The following EHBP1 variants were observed in gnomAD, a reference collection of about 807,000 sequenced individuals.
EHBP1 encodes EH domain binding protein 1, also known as EH domain-binding protein 1.
A neutral mutation model predicts 144.0 loss-of-function variants in EHBP1; 55 were observed. The observed-to-expected ratio is 0.38, with a 90% CI of 0.31 to 0.48. The LOEUF is 0.48. EHBP1 is among the 20% of genes least tolerant of loss of function. The pLI, the probability that EHBP1 is intolerant of heterozygous loss-of-function variation, is 0.98. For missense variants in EHBP1, 1,200 were observed against 1,364.2 expected (o/e 0.88, Z 1.90); for synonymous variants, 469 against 472.7 (o/e 0.99, Z 0.10).
intron 5 of EHBP1, among the ~76,000 whole-genome samples, chr2:62,812,047 G>A (rs944751145): frequency 6.6e-6 from 1 of 152,142 alleles, no homozygotes; most frequent in Non-Finnish European, 1.5e-5. Context: ...TCTGTATGGT[G>A]AGAGTGAGTT....
intron 3 of EHBP1, among the ~76,000 whole-genome samples, chr2:62,751,093 C>T (rs961758942): frequency 9.9e-5 from 15 of 152,084 alleles, no homozygotes; most frequent in Non-Finnish European, 2.1e-4. Context: ...CAGTTTTTGC[C>T]CATTCAGTAT....
chr2:62,967,337 A>G (rs1367749324), intron 14 of EHBP1, among the ~76,000 whole-genome samples: 1 of 152,176 alleles, frequency 6.6e-6, no homozygotes, highest in African/African-American at 2.4e-5. Flanking sequence ...TAGTGATGTG[A>G]CACTTCTCAA....
At chr2:62,822,907 T>C (rs989683272) in intron 5 of EHBP1, among the ~76,000 whole-genome samples, 2 of 152,156 alleles carry the variant, frequency 1.3e-5, no homozygotes, top group African/African-American at 4.8e-5. Context: ...GGCTAAGTCT[T>C]TTTATAACAA....
chr2:62,724,945 A>T (rs955482445), intron 2 of EHBP1, among the ~76,000 whole-genome samples: 1 of 152,190 alleles, frequency 6.6e-6, no homozygotes, highest in African/African-American at 2.4e-5. Flanking sequence ...ATTGTCTTCC[A>T]TGAAATTGGT....
chr2:62,963,055 G>A lies in EHBP1; in HGVS notation c.2460+7395G>A, dbSNP rs2058074345. On this transcript the variant is annotated intron_variant, in intron 14 of 22. Transcript: ENST00000431489. ...TCCATCTTTAAAGACCTGAAGGAAC[G>A]TTTGAATCCTCTAGAGAAAACAGTA... Among the ~76,000 whole-genome samples the A allele has an allele frequency of 3.3e-5, 5 of 152,248 alleles. No homozygotes were observed. In the South Asian group the frequency reaches 8.3e-4, roughly 25 times the overall value.
At chr2:62,834,227 G>C (rs1258834429) in intron 7 of EHBP1, among the ~76,000 whole-genome samples, 1 of 152,206 alleles carries the variant, frequency 6.6e-6, no homozygotes. Flanking sequence ...CTTTGATAAA[G>C]TAGTGGCAGG....
intron 5 of EHBP1, among the ~76,000 whole-genome samples, chr2:62,806,691 C>A: frequency 6.6e-6 from 1 of 151,642 alleles, no homozygotes; most frequent in Non-Finnish European, 1.5e-5. Flanking sequence ...ATTCCACTTT[C>A]TTTCTTTTCT....
chr2:62,749,669 G>A (rs890233101), intron 3 of EHBP1, among the ~76,000 whole-genome samples: 13 of 152,226 alleles, frequency 8.5e-5, no homozygotes, highest in East Asian at 1.9e-4. Context: ...TTTAATGATT[G>A]CCATTCTAAC....
intron 19 of EHBP1, among the ~76,000 whole-genome samples, chr2:63,009,750 C>T (rs2060192975): frequency 6.6e-6 from 1 of 151,500 alleles, no homozygotes; most frequent in Non-Finnish European, 1.5e-5. Flanking sequence ...AGTAGTCCCT[C>T]CTTATCCTCA....
chr2:62,847,701 G>T lies in EHBP1; in HGVS notation c.635-11468G>T, dbSNP rs577351926. On this transcript the variant is annotated intron_variant, in intron 7 of 22. Transcript: ENST00000431489. ...AAAGAAGACCATTAAGAAAATGTAC[G>T]AGCAAGTCATAGATTAGAAGAAAAT... 2.6e-5 allele frequency among the ~76,000 whole-genome samples: 4 copies of T among 152,190 alleles called. No homozygotes were observed. The South Asian group carries it at 8.3e-4, about 32-fold the overall frequency.
chr2:62,883,339 T>C (rs898071148), intron 10 of EHBP1, among the ~76,000 whole-genome samples: 16 of 152,238 alleles, frequency 1.1e-4, no homozygotes, highest in Non-Finnish European at 1.8e-4. Flanking sequence ...TTACATTATT[T>C]TGAAGGTAAT....
At chr2:62,898,355 C>T (rs546320406) in intron 10 of EHBP1, among the ~76,000 whole-genome samples, 3 of 152,196 alleles carry the variant, frequency 2.0e-5, no homozygotes, top group African/African-American at 4.8e-5. Context: ...AGGGGTGAGC[C>T]GTGAGCTCTC....
chr2:62,817,690 T>C (rs1229804652), intron 5 of EHBP1, among the ~76,000 whole-genome samples: 1 of 152,152 alleles, frequency 6.6e-6, no homozygotes, highest in Non-Finnish European at 1.5e-5. Context: ...TTAAAGGGTA[T>C]TAATCCAGTT....
At chr2:62,781,621 G>C (rs1356559176) in intron 5 of EHBP1, among the ~76,000 whole-genome samples, 20 of 152,136 alleles carry the variant, frequency 1.3e-4, no homozygotes, top group Admixed American at 1.0e-3. Flanking sequence ...GATTCAGGTG[G>C]CTGGAGCAGC....
At chr2:62,879,984 C>T (rs932643568) in intron 10 of EHBP1, among the ~76,000 whole-genome samples, 1 of 152,094 alleles carries the variant, frequency 6.6e-6, no homozygotes, top group African/African-American at 2.4e-5. Context: ...TAGAAGGGTA[C>T]AGTAATCAAA....
At chr2:62,856,128 T>C (rs956571754) in intron 7 of EHBP1, among the ~76,000 whole-genome samples, 6 of 152,178 alleles carry the variant, frequency 3.9e-5, no homozygotes, top group Non-Finnish European at 7.3e-5. Flanking sequence ...ACCTCATTCT[T>C]CCTGGTTGTA....
intron 15 of EHBP1, among the ~76,000 whole-genome samples, chr2:62,983,699 G>A (rs1053466538): frequency 6.6e-6 from 1 of 151,992 alleles, no homozygotes; most frequent in African/African-American, 2.4e-5. Flanking sequence ...CGGCCACCAT[G>A]CCCAGCTAAT....
intron 10 of EHBP1, among the ~76,000 whole-genome samples, chr2:62,890,196 A>G (rs930969804): frequency 1.3e-5 from 2 of 152,092 alleles, no homozygotes; most frequent in Non-Finnish European, 2.9e-5. Flanking sequence ...TCGGCCTCCC[A>G]AAGTGCTGGA....
At chr2:62,984,010 T>A (rs1429088117) in intron 15 of EHBP1, among the ~76,000 whole-genome samples, 1 of 152,236 alleles carries the variant, frequency 6.6e-6, no homozygotes, top group Admixed American at 6.5e-5. Context: ...TTCAATAATT[T>A]TTATTTTTAG....
Sources: allele counts gnomAD v4.1 joint callset (sites outside exome capture counted in the v4.1 genomes callset), GRCh38; gene constraint gnomAD v4.1.1; transcripts MANE v1.5; gene names NCBI Gene and HGNC (gene_info 2026-07-23, HGNC 2026-07-21).